SLC38A6: variants seen among roughly 807,000 people sequenced by gnomAD.
SLC38A6 encodes N system amino acid transporter NAT-1.
In SLC38A6, 73 loss-of-function variants were observed where a neutral mutation model predicts 65.0. That is an observed-to-expected ratio of 1.12 (90% confidence interval 0.93 to 1.37). The LOEUF is 1.37. Ranked by LOEUF, SLC38A6 falls within the 40% of genes most tolerant of loss-of-function variation. The pLI is 0.00. For missense variants in SLC38A6, 561 were observed against 531.1 expected, an observed-to-expected ratio of 1.06 and a Z score of -0.55; for synonymous variants, 183 against 178.8, an observed-to-expected ratio of 1.02 and a Z score of -0.19.
intron 15 of SLC38A6, among the ~76,000 whole-genome samples, chr14:61,068,414 GCTCAATTTTGT>G (rs767002455): frequency 8.5e-5 from 13 of 152,086 alleles, no homozygotes; most frequent in Non-Finnish European, 1.9e-4. Flanking sequence ...GGCCTACAAG[GCTCAATTTTGT>G]CTGTACCTAC....
At chr14:61,006,031 A>G (rs1367304575) in intron 3 of SLC38A6, among the ~76,000 whole-genome samples, 1 of 152,194 alleles carries the variant, frequency 6.6e-6, no homozygotes, top group Non-Finnish European at 1.5e-5. Context: ...CCGCATATCT[A>G]CACCTATCTG....
intron 8 of SLC38A6, among the ~76,000 whole-genome samples, chr14:61,040,053 C>CT (rs536955066): frequency 0.021 from 3,159 of 150,714 alleles, 118 homozygotes; most frequent in African/African-American, 0.073. Flanking sequence ...GGTAAATTTA[C>CT]TTTTTTTTTG....
In SLC38A6 at chr14:61,003,379, T is replaced by C. The variant is rs527460597; in HGVS notation, c.311-12525T>C. Among the ~76,000 whole-genome samples the C allele has an allele frequency of 5.0e-4, 76 of 152,280 alleles. 3 individuals carry two copies. In the South Asian group the frequency reaches 0.016, roughly 32 times the overall value. ...TATCAAAAATACCTACCATAATTTATGTAACCACTTTCTCATTGTTGAGCA... is the reference window on the plus strand; with the variant it reads ...TATCAAAAATACCTACCATAATTTACGTAACCACTTTCTCATTGTTGAGCA... On this transcript the variant is annotated intron_variant, in intron 3 of 15. Coordinates refer to ENST00000267488, the MANE Select transcript of SLC38A6 (RefSeq NM_153811.3).
chr14:61,009,393 A>T (rs7142271), intron 3 of SLC38A6, among the ~76,000 whole-genome samples: 141,620 of 152,038 alleles, frequency 0.93, 66,345 homozygotes, highest in Non-Finnish European at 0.99. Context: ...AATAACTTTT[A>T]TTTTAAATTA....
chr14:61,023,529 C>T (rs756048832), intron 5 of SLC38A6, among the ~76,000 whole-genome samples: 3 of 149,474 alleles, frequency 2.0e-5, no homozygotes, highest in East Asian at 2.0e-4. Context: ...GCCAAGATCT[C>T]GCCACTGAAC....
At chr14:61,001,017 C>T (rs2139375136) in intron 3 of SLC38A6, among the ~76,000 whole-genome samples, 1 of 152,300 alleles carries the variant, frequency 6.6e-6, no homozygotes. Context: ...CACAGTTAAA[C>T]TAAGTGGGCT....
intron 8 of SLC38A6, among the ~76,000 whole-genome samples, chr14:61,039,524 A>ATTTTTT (rs5809078): frequency 7.7e-6 from 1 of 130,622 alleles, no homozygotes; most frequent in Non-Finnish European, 1.6e-5. Flanking sequence ...GTGCATGCTA[A>ATTTTTT]TTTTTTTTTT....
In SLC38A6 at chr14:61,083,438, A is replaced by G. The variant is rs141994201; in HGVS notation, c.1409-117A>G. ...CCCAAATTCGTAGGTTGAGGCCCCAATCCCCAGGACCTCAGAATGCAACTG... is the reference window on the plus strand; with the variant it reads ...CCCAAATTCGTAGGTTGAGGCCCCAGTCCCCAGGACCTCAGAATGCAACTG... On this transcript the variant is annotated intron_variant, in intron 16 of 16. Transcript: ENST00000354886. 357 of 1,429,976 alleles carry G rather than the reference A, an allele frequency of 2.5e-4. 1 individual carries two copies. In the African/African-American group the frequency reaches 4.8e-3, roughly 19 times the overall value. The allele number at this position is 1,429,976 out of a possible 1,614,324, so 88.6% of individuals were successfully genotyped here. A position where few individuals can be genotyped will look rare whatever the true frequency, so the allele number is the denominator to read the frequency against.
intron 12 of SLC38A6, among the ~76,000 whole-genome samples, chr14:61,050,095 C>T (rs1326045043): frequency 6.6e-6 from 1 of 152,132 alleles, no homozygotes; most frequent in South Asian, 2.1e-4. Flanking sequence ...GGCACTGCCC[C>T]TTTGTGTTAT....
Position 61,052,562 on chromosome 14 carries a change from G to A in SLC38A6, c.*133G>A, listed in dbSNP as rs2042569110. 2.3e-6 allele frequency: 3 copies of A among 1,292,046 alleles called. No individual in the cohort carries two copies. The highest frequency in any genetic ancestry group is 3.7e-5 in the South Asian group (2 of 54,164). 80.0% of individuals were successfully genotyped at this position (1,292,046 alleles called of 1,614,324 possible). A position where few individuals can be genotyped will look rare whatever the true frequency, so the allele number is the denominator to read the frequency against. ...AACAGAAAAGCAGAACAAAATGGCA[G>A]TGGGTATGGGGAAGTAAGAGTGTGG... On this transcript the variant is annotated 3_prime_UTR_variant, in exon 16 of 16. Coordinates refer to ENST00000267488, the MANE Select transcript of SLC38A6 (RefSeq NM_153811.3).
At chr14:60,981,578 G>A (rs1409387527) in intron 1 of SLC38A6, 196 bp downstream of exon 1, 2 of 1,519,092 alleles carry the variant, frequency 1.3e-6, no homozygotes, top group Admixed American at 4.0e-5. Context: ...TAGCAGCCTA[G>A]CATACTCTAG....
At chr14:60,985,028 C>T (rs1315888260) in intron 3 of SLC38A6, among the ~76,000 whole-genome samples, 1 of 152,138 alleles carries the variant, frequency 6.6e-6, no homozygotes, top group East Asian at 1.9e-4. Flanking sequence ...TACCTGCTTT[C>T]CTCCACAACA....
chr14:61,032,665 G>T, intron 6 of SLC38A6, among the ~76,000 whole-genome samples: 1 of 151,006 alleles, frequency 6.6e-6, no homozygotes. Context: ...ATTTATTTTT[G>T]GCTAATTATA....
intron 3 of SLC38A6, among the ~76,000 whole-genome samples, chr14:60,995,388 T>C (rs2038215002): frequency 1.3e-5 from 2 of 152,194 alleles, no homozygotes; most frequent in African/African-American, 2.4e-5. Context: ...TACTGCATGA[T>C]CTCACATTCA....
intron 3 of SLC38A6, among the ~76,000 whole-genome samples, chr14:61,011,892 C>T (rs1249448460): frequency 6.6e-6 from 1 of 152,172 alleles, no homozygotes; most frequent in Non-Finnish European, 1.5e-5. Flanking sequence ...ATAATGCTGG[C>T]CTCATACAAT....
intron 3 of SLC38A6, among the ~76,000 whole-genome samples, chr14:60,996,967 CCTTA>C (rs2038339899): frequency 6.6e-6 from 1 of 152,008 alleles, no homozygotes; most frequent in African/African-American, 2.4e-5. Flanking sequence ...TTTTATTCAC[CCTTA>C]CTTAGTGAAC....
chr14:60,984,840 G>C, intron 3 of SLC38A6, 37 bp downstream of exon 3: 1 of 1,568,206 alleles, frequency 6.4e-7, no homozygotes, highest in Non-Finnish European at 8.8e-7. Context: ...TTTAATAAAG[G>C]AGTCTCTTGA....
chr14:61,046,092 GT>G lies in SLC38A6; in HGVS notation c.852del (p.Thr285ProfsTer7). 6.2e-7 allele frequency: 1 copy of G among 1,610,292 alleles called. No individual in the cohort carries two copies. The highest frequency in any genetic ancestry group is 8.5e-7 in the Non-Finnish European group (1 of 1,177,484). On this transcript the variant is annotated frameshift_variant, in exon 12 of 16. Transcript: ENST00000267488. LOFTEE classifies it high-confidence loss of function. ...QSPSKKRMQN[V>X]TNTAIALSFL... ...TCCTTCAAAGAAAAGAATGCAGAAT[GT>G]TACCAATACAGCAATTGCTTTAAGT...
chr14:61,052,528 A>C lies in SLC38A6; in HGVS notation c.*99A>C. 1 of 1,430,138 alleles carries C rather than the reference A, an allele frequency of 7.0e-7. No individual in the cohort carries two copies. Among genetic ancestry groups the C allele is most frequent in the Non-Finnish European group, 9.1e-7 (1 of 1,097,670 alleles). The allele number at this position is 1,430,138 out of a possible 1,614,324, so 88.6% of individuals were successfully genotyped here. On this transcript the variant is annotated 3_prime_UTR_variant, in exon 16 of 16. Transcript: ENST00000267488. ...CTGGATGAAAAATAACATTTTAATA[A>C]AAATTATTAACAGAAAAGCAGAACA...
Sources: gnomAD v4.1 joint callset for allele counts (sites outside exome capture counted in the v4.1 genomes callset) on GRCh38, gnomAD v4.1.1 for gene constraint, MANE v1.5 for transcripts, NCBI Gene and HGNC (gene_info 2026-07-23, HGNC 2026-07-21) for gene names.